The following MACROD2 variants were observed in gnomAD, a reference collection of about 807,000 sequenced individuals.
The protein encoded by MACROD2 is ADP-ribose glycohydrolase MACROD2.
Under a neutral mutation model 70.4 loss-of-function variants are expected in MACROD2, and 36 were observed. The observed-to-expected ratio is 0.51, with a 90% CI of 0.39 to 0.68. The LOEUF (loss-of-function observed/expected upper bound fraction) is 0.68, where lower values mean the gene tolerates loss of function less well. Among genes scored for constraint, MACROD2 ranks in the 30% least tolerant of loss-of-function variants. The pLI, the probability that MACROD2 is intolerant of heterozygous loss-of-function variation, is 0.00. For synonymous variants in MACROD2, 172 were observed against 178.8 expected, an observed-to-expected ratio of 0.96 and a Z score of 0.30; for missense variants, 496 against 538.4, an observed-to-expected ratio of 0.92 and a Z score of 0.78.
intron 5 of MACROD2, among the ~76,000 whole-genome samples, chr20:14,750,699 A>T (rs1265407516): frequency 1.7e-5 from 2 of 119,470 alleles, no homozygotes; most frequent in East Asian, 4.4e-4. Flanking sequence ...GGCTCAAGTG[A>T]TCTACCCAAC....
chr20:15,340,597 T>C (rs1039969716), intron 6 of MACROD2, among the ~76,000 whole-genome samples: 4 of 152,048 alleles, frequency 2.6e-5, no homozygotes, highest in African/African-American at 9.7e-5. Flanking sequence ...ATATTGAAAT[T>C]GAATCAAATG....
intron 6 of MACROD2, among the ~76,000 whole-genome samples, chr20:15,420,943 C>G (rs2046219477): frequency 6.6e-6 from 1 of 152,036 alleles, no homozygotes; most frequent in South Asian, 2.1e-4. Context: ...AAAAAATTAA[C>G]CAGGCATAGT....
intron 3 of MACROD2, among the ~76,000 whole-genome samples, chr20:14,241,526 T>A (rs1003446729): frequency 6.6e-6 from 1 of 152,116 alleles, no homozygotes; most frequent in Non-Finnish European, 1.5e-5. Context: ...TCAAATTATA[T>A]ATATATGATA....
intron 2 of MACROD2, among the ~76,000 whole-genome samples, chr20:14,012,362 G>A (rs974392938): frequency 1.3e-5 from 2 of 152,146 alleles, no homozygotes; most frequent in African/African-American, 4.8e-5. Flanking sequence ...CTATAGGTAT[G>A]CTCATTCTTC....
rs546664520 is a variant in MACROD2, at chr20:15,142,481, A to AT, written c.419-87452dup. Among the ~76,000 whole-genome samples, 1,231 of 151,920 alleles carry AT rather than the reference A, an allele frequency of 8.1e-3. 19 individuals carry two copies. The highest frequency in any genetic ancestry group is 0.028 in the African/African-American group (1,165 of 41,412). ...AAGTTTAGTTATGGTTTTCATAGGC[A>AT]TTTTTTTGTTATTTTCCATTTTTAC... On this transcript the variant is annotated intron_variant, in intron 5 of 17. Coordinates refer to ENST00000684519, the MANE Select transcript of MACROD2 (RefSeq NM_001351661.2).
intron 8 of MACROD2, among the ~76,000 whole-genome samples, chr20:15,519,057 TC>T (rs2047609196): frequency 3.0e-5 from 1 of 33,108 alleles, no homozygotes; most frequent in Non-Finnish European, 5.2e-5. Context: ...ACTCGCTCTT[TC>T]CTTCCTTCCT....
At chr20:15,774,297 T>A (rs181759903) in intron 8 of MACROD2, among the ~76,000 whole-genome samples, 21 of 152,296 alleles carry the variant, frequency 1.4e-4, no homozygotes, top group Non-Finnish European at 1.0e-4. Context: ...AAGAGAGTTA[T>A]GTTAATTGCT....
At chr20:14,054,523 G>A (rs1288852060) in intron 2 of MACROD2, among the ~76,000 whole-genome samples, 2 of 152,190 alleles carry the variant, frequency 1.3e-5, no homozygotes, top group East Asian at 3.9e-4. Flanking sequence ...AAGAAAAGAT[G>A]TGATAGAAAA....
intron 5 of MACROD2, among the ~76,000 whole-genome samples, chr20:15,040,800 G>A (rs1015228415): frequency 1.3e-5 from 2 of 152,114 alleles, no homozygotes; most frequent in African/African-American, 4.8e-5. Context: ...GTGGCAATTT[G>A]TAATATTTGT....
chr20:15,930,464 A>G lies in MACROD2; in HGVS notation c.776-2812A>G, dbSNP rs549071939. The stretch of plus-strand genomic sequence containing the variant: ...AATGCATATGCTGGGCTTGGAAAAT[A>G]AGCCTTCTACATTGGTTCCCCCTGC... On this transcript the variant is annotated intron_variant, in intron 10 of 17. Transcript: ENST00000684519. Among the ~76,000 whole-genome samples the G allele has an allele frequency of 8.5e-5, 13 of 152,312 alleles. No homozygotes were observed. In the South Asian group the frequency reaches 2.5e-3, roughly 29 times the overall value.
intron 8 of MACROD2, among the ~76,000 whole-genome samples, chr20:15,622,752 A>G (rs924096952): frequency 4.6e-5 from 7 of 152,242 alleles, no homozygotes; most frequent in Non-Finnish European, 1.0e-4. Context: ...GCACAGTACA[A>G]TAAGGTATTT....
intron 7 of MACROD2, among the ~76,000 whole-genome samples, chr20:15,497,929 G>T (rs1053726878): frequency 6.6e-6 from 1 of 152,090 alleles, no homozygotes; most frequent in Admixed American, 6.5e-5. Flanking sequence ...ATAGCTACTC[G>T]TGTGGGGTTC....
intron 6 of MACROD2, among the ~76,000 whole-genome samples, chr20:15,292,471 C>T (rs2077549371): frequency 6.6e-6 from 1 of 152,092 alleles, no homozygotes; most frequent in South Asian, 2.1e-4. Flanking sequence ...TTGTAACAAC[C>T]CATGGGGATT....
At chr20:14,659,212 G>A (rs537479946) in intron 4 of MACROD2, among the ~76,000 whole-genome samples, 19 of 152,178 alleles carry the variant, frequency 1.2e-4, no homozygotes, top group Non-Finnish European at 2.2e-4. Context: ...TTGGGTTATC[G>A]GAATGTTAGT....
Position 14,928,849 on chromosome 20 carries a change from C to T in MACROD2, c.418+243890C>T, listed in dbSNP as rs1359285405. Among the ~76,000 whole-genome samples, 7 of 152,246 alleles carry T rather than the reference C, an allele frequency of 4.6e-5. No individual in the cohort carries two copies. The East Asian group carries it at 1.4e-3, about 29-fold the overall frequency. ...AAGTATATGCAATAAATGACACCAA[C>T]ATTATTTTTATGGCTAAAAGTACTT... On this transcript the variant is annotated intron_variant, in intron 5 of 17. Transcript: ENST00000684519.
At chr20:14,221,575 C>A (rs952044041) in intron 3 of MACROD2, among the ~76,000 whole-genome samples, 12 of 152,074 alleles carry the variant, frequency 7.9e-5, no homozygotes, top group Non-Finnish European at 1.2e-4. Flanking sequence ...TTGCTGTAGG[C>A]AAGGAACTCA....
intron 6 of MACROD2, among the ~76,000 whole-genome samples, chr20:15,335,684 G>A (rs1311967233): frequency 1.3e-5 from 2 of 151,576 alleles, no homozygotes; most frequent in African/African-American, 4.9e-5. Flanking sequence ...CAGATACCCT[G>A]CATCATAATT....
intron 6 of MACROD2, among the ~76,000 whole-genome samples, chr20:15,341,248 C>G (rs1014700501): frequency 5.3e-5 from 8 of 151,980 alleles, no homozygotes; most frequent in African/African-American, 1.9e-4. Flanking sequence ...CTCTTTGTAA[C>G]TTTTTTTTAT....
intron 5 of MACROD2, among the ~76,000 whole-genome samples, chr20:15,186,944 A>T (rs969841436): frequency 6.6e-6 from 1 of 152,250 alleles, no homozygotes; most frequent in Non-Finnish European, 1.5e-5. Context: ...ATAAGTTTTT[A>T]AAATATCTAT....
Sources: gnomAD v4.1 joint callset for allele counts (sites outside exome capture counted in the v4.1 genomes callset) on GRCh38, gnomAD v4.1.1 for gene constraint, MANE v1.5 for transcripts, NCBI Gene and HGNC (gene_info 2026-07-23, HGNC 2026-07-21) for gene names.